The following EFCAB11 variants were observed in gnomAD, a reference collection of about 807,000 sequenced individuals.
EFCAB11 encodes the protein EF-hand calcium binding domain 11.
EFCAB11 carries 14 observed loss-of-function variants against 23.0 expected under a neutral mutation model. That is an observed-to-expected ratio of 0.61 (90% CI 0.40 to 0.95). The LOEUF is 0.95. EFCAB11 is among the 40% of genes least tolerant of loss of function. The pLI, the probability that EFCAB11 is intolerant of heterozygous loss-of-function variation, is 0.00. For synonymous variants in EFCAB11, 65 were observed against 66.6 expected (o/e 0.98, Z 0.11); for missense variants, 198 against 195.8 (o/e 1.01, Z -0.07).
At chr14:89,925,530 C>G (rs1001670747) in intron 5 of EFCAB11, among the ~76,000 whole-genome samples, 7 of 152,130 alleles carry the variant, frequency 4.6e-5, no homozygotes, top group Non-Finnish European at 1.0e-4. Context: ...TCTTGAACTT[C>G]TGCCATTTTT....
At chr14:89,942,990 G>A (rs951186974) in intron 3 of EFCAB11, among the ~76,000 whole-genome samples, 20 of 152,098 alleles carry the variant, frequency 1.3e-4, no homozygotes, top group African/African-American at 4.3e-4. Flanking sequence ...TCTAGCTTCC[G>A]GACTCTGGCC....
intron 5 of EFCAB11, among the ~76,000 whole-genome samples, chr14:89,881,781 C>T (rs1888610690): frequency 6.6e-6 from 1 of 151,998 alleles, no homozygotes; most frequent in Non-Finnish European, 1.5e-5. Flanking sequence ...CTACTACCAA[C>T]TATACAAAAT....
At chr14:89,944,918 G>A (rs891790401) in intron 3 of EFCAB11, among the ~76,000 whole-genome samples, 6 of 131,174 alleles carry the variant, frequency 4.6e-5, no homozygotes, top group Non-Finnish European at 9.7e-5. Flanking sequence ...TAAAATATTA[G>A]ATTTTATTAG....
chr14:89,796,518 T>C lies in EFCAB11; in HGVS notation c.*725A>G, dbSNP rs1885578968. 6.6e-6 allele frequency: 1 copy of C among 152,176 alleles called. No homozygotes were observed. The highest frequency in any genetic ancestry group is 6.6e-5 in the Admixed American group (1 of 15,262). 9.4% of individuals were successfully genotyped at this position (152,176 alleles called of 1,614,324 possible). On this transcript the variant is annotated 3_prime_UTR_variant, in exon 6 of 6. Transcript: ENST00000316738. ...TGGTAGGGATGGGGTCTCGGTATGTTGCCCAGGCTAGTCTCCAATTCCTAG... is the reference window on the plus strand; with the variant it reads ...TGGTAGGGATGGGGTCTCGGTATGTCGCCCAGGCTAGTCTCCAATTCCTAG...
chr14:89,844,939 G>A (rs945243299), intron 5 of EFCAB11, among the ~76,000 whole-genome samples: 2 of 152,060 alleles, frequency 1.3e-5, no homozygotes, highest in African/African-American at 4.8e-5. Context: ...TCGCACTGTG[G>A]GTGTGTTGGA....
rs141148658 is a variant in EFCAB11 at position 89,951,294 on chromosome 14, T to TACC, written c.172-1155_172-1153dup. Reference sequence around the variant, plus strand: ...TCAGTCCCAGTGGTCATGTCACTCTTACCACCACCACATCCAATCAGTCAT... The same window carrying TACC: ...TCAGTCCCAGTGGTCATGTCACTCTTACCACCACCACCACATCCAATCAGTCAT... On this transcript the variant is annotated intron_variant, in intron 2 of 5. Transcript: ENST00000316738. 4.4e-3 allele frequency among the ~76,000 whole-genome samples: 668 copies of TACC among 152,250 alleles called. 3 individuals are homozygous for TACC. The highest frequency in any genetic ancestry group is 0.015 in the African/African-American group (608 of 41,540).
intron 5 of EFCAB11, among the ~76,000 whole-genome samples, chr14:89,865,639 C>CTACA (rs1400699274): frequency 2.0e-5 from 3 of 151,810 alleles, no homozygotes; most frequent in African/African-American, 7.3e-5. Flanking sequence ...GTAGCTGGAA[C>CTACA]TACAGGCGCA....
At chr14:89,802,053 G>T (rs1885802481) in intron 5 of EFCAB11, among the ~76,000 whole-genome samples, 1 of 151,872 alleles carries the variant, frequency 6.6e-6, no homozygotes, top group African/African-American at 2.4e-5. Context: ...TTTCTTGTAT[G>T]AAAATGTTGA....
intron 3 of EFCAB11, among the ~76,000 whole-genome samples, chr14:89,946,141 T>A (rs1005229358): frequency 2.0e-5 from 3 of 152,140 alleles, no homozygotes; most frequent in Admixed American, 1.3e-4. Context: ...CTCAAACTCC[T>A]GGCCTCAAGT....
At chr14:89,817,679 C>A (rs1444920287) in intron 5 of EFCAB11, among the ~76,000 whole-genome samples, 1 of 152,074 alleles carries the variant, frequency 6.6e-6, no homozygotes, top group Non-Finnish European at 1.5e-5. Context: ...ATTTAAAACA[C>A]ACGAGAAAAT....
intron 5 of EFCAB11, among the ~76,000 whole-genome samples, chr14:89,922,526 G>A (rs1021171227): frequency 6.6e-5 from 10 of 152,146 alleles, no homozygotes; most frequent in Admixed American, 3.3e-4. Context: ...GGCAGAGCTG[G>A]GCCTAGAACT....
intron 5 of EFCAB11, among the ~76,000 whole-genome samples, chr14:89,860,140 G>A (rs1287540702): frequency 6.6e-6 from 1 of 152,122 alleles, no homozygotes; most frequent in Non-Finnish European, 1.5e-5. Context: ...GAGGCAGGTG[G>A]ATCACCTGAG....
At chr14:89,931,731 T>C in intron 4 of EFCAB11, 100 bp from the exon 5 acceptor site, 1 of 901,286 alleles carries the variant, frequency 1.1e-6, no homozygotes, top group Non-Finnish European at 1.7e-6. Flanking sequence ...AATATATTAC[T>C]AGGAGAAAAG....
At chr14:89,799,157 G>C (rs1885682433) in intron 5 of EFCAB11, 1 of 152,160 alleles carries the variant, frequency 6.6e-6, no homozygotes, top group Non-Finnish European at 1.5e-5. Flanking sequence ...AATGAGTATA[G>C]TAAAACCAAG....
intron 5 of EFCAB11, among the ~76,000 whole-genome samples, chr14:89,897,620 T>C (rs1006258155): frequency 6.6e-6 from 1 of 152,214 alleles, no homozygotes; most frequent in Non-Finnish European, 1.5e-5. Context: ...TGTGAGTTAA[T>C]GGTAATATTG....
chr14:89,929,859 T>A (rs1411579871), intron 5 of EFCAB11, among the ~76,000 whole-genome samples: 2 of 152,264 alleles, frequency 1.3e-5, no homozygotes, highest in East Asian at 3.8e-4. Flanking sequence ...ACATTGCCTG[T>A]ATCTTGAATG....
intron 5 of EFCAB11, among the ~76,000 whole-genome samples, chr14:89,874,791 C>G (rs1566792543): frequency 6.6e-6 from 1 of 151,900 alleles, no homozygotes; most frequent in Non-Finnish European, 1.5e-5. Flanking sequence ...ACTCGGGAGG[C>G]TGAGGCAAGA....
intron 5 of EFCAB11, chr14:89,836,667 A>G (rs1051714339): frequency 6.6e-6 from 3 of 456,640 alleles, no homozygotes; most frequent in African/African-American, 6.0e-5. Context: ...TACATCTGTC[A>G]GGGTAGAAAG....
intron 5 of EFCAB11, among the ~76,000 whole-genome samples, chr14:89,849,814 G>C (rs1197153958): frequency 6.6e-6 from 1 of 152,100 alleles, no homozygotes; most frequent in African/African-American, 2.4e-5. Context: ...GAAGAAACCA[G>C]ATACCCAAGA....
Sources: allele counts gnomAD v4.1 joint callset (sites outside exome capture counted in the v4.1 genomes callset), GRCh38; gene constraint gnomAD v4.1.1; transcripts MANE v1.5; gene names NCBI Gene and HGNC (gene_info 2026-07-23, HGNC 2026-07-21).